Variants in SKAP1 observed in about 807,000 individuals in gnomAD.
The protein encoded by SKAP1 is src kinase associated phosphoprotein 1, also known as src kinase-associated phosphoprotein 1.
A neutral mutation model predicts 58.5 loss-of-function variants in SKAP1; 44 were observed. The observed-to-expected ratio is 0.75, with a 90% CI of 0.59 to 0.97. The LOEUF is 0.97. Among genes scored for constraint, SKAP1 ranks in the 50% least tolerant of loss-of-function variants. The pLI, the probability that SKAP1 is intolerant of heterozygous loss-of-function variation, is 0.00. For synonymous variants in SKAP1, 127 were observed against 149.7 expected (o/e 0.85, Z 1.11); for missense variants, 390 against 435.2 (o/e 0.90, Z 0.92).
At chr17:48,183,314 TAGA>T (rs1338592837) in intron 7 of SKAP1, among the ~76,000 whole-genome samples, 2 of 151,812 alleles carry the variant, frequency 1.3e-5, no homozygotes, top group African/African-American at 4.8e-5. Context: ...AAGGATATTG[TAGA>T]AGAAGAATCC....
At chr17:48,186,009 C>T (rs1046172302) in intron 6 of SKAP1, 1 of 152,056 alleles carries the variant, frequency 6.6e-6, no homozygotes, top group African/African-American at 2.4e-5. Context: ...CTCCCTGCTC[C>T]TCTCTCACCG....
chr17:48,337,365 T>A (rs912989229), intron 4 of SKAP1, among the ~76,000 whole-genome samples: 4 of 152,204 alleles, frequency 2.6e-5, no homozygotes, highest in Non-Finnish European at 4.4e-5. Context: ...CAGACTTCTA[T>A]GTTAGGCCAA....
At chr17:48,259,173 T>C (rs2065458123) in intron 4 of SKAP1, among the ~76,000 whole-genome samples, 1 of 152,030 alleles carries the variant, frequency 6.6e-6, no homozygotes, top group South Asian at 2.1e-4. Context: ...ATAACCTATA[T>C]TTTAAAAGTG....
intron 4 of SKAP1, among the ~76,000 whole-genome samples, chr17:48,281,974 GA>G (rs2065771490): frequency 6.6e-6 from 1 of 152,118 alleles, no homozygotes; most frequent in Admixed American, 6.5e-5. Flanking sequence ...GTGTAACTAA[GA>G]GTACATATTC....
At chr17:48,177,829 T>C (rs1445271555) in intron 9 of SKAP1, among the ~76,000 whole-genome samples, 1 of 152,174 alleles carries the variant, frequency 6.6e-6, no homozygotes, top group Non-Finnish European at 1.5e-5. Context: ...TAGAGGCTTA[T>C]GGGAAAGAAC....
chr17:48,368,293 T>C (rs1567886185), intron 2 of SKAP1, among the ~76,000 whole-genome samples: 1 of 152,178 alleles, frequency 6.6e-6, no homozygotes, highest in African/African-American at 2.4e-5. Context: ...AATTCCACAA[T>C]AGAGAATTCT....
chr17:48,257,884 A>G (rs567561193), intron 4 of SKAP1, among the ~76,000 whole-genome samples: 2 of 152,048 alleles, frequency 1.3e-5, no homozygotes, highest in Admixed American at 6.6e-5. Context: ...AGCTGTTCAT[A>G]TATCTCCTGA....
chr17:48,240,796 T>C (rs1047494478), intron 4 of SKAP1, among the ~76,000 whole-genome samples: 1 of 152,180 alleles, frequency 6.6e-6, no homozygotes, highest in Middle Eastern at 3.2e-3. Context: ...TGCTGCCTGT[T>C]CCCACTCGTT....
chr17:48,350,680 G>C (rs1254635915), intron 3 of SKAP1, among the ~76,000 whole-genome samples: 1 of 152,146 alleles, frequency 6.6e-6, no homozygotes, highest in Admixed American at 6.5e-5. Context: ...TGGGCAACAA[G>C]AGTGAAACTC....
chr17:48,267,064 T>C lies in SKAP1; in HGVS notation c.281-77564A>G, dbSNP rs374862638. Reference sequence around the variant, plus strand: ...TCATTTTATCATGAAAAAAATGTGATGCCAAGCCAATAATTATTTTCCTCA... The same window carrying C: ...TCATTTTATCATGAAAAAAATGTGACGCCAAGCCAATAATTATTTTCCTCA... On this transcript the variant is annotated intron_variant, in intron 4 of 12. Transcript: ENST00000336915. Among the ~76,000 whole-genome samples, 7 of 152,292 alleles carry C rather than the reference T, an allele frequency of 4.6e-5. No homozygotes were observed. In the East Asian group the frequency reaches 9.6e-4, roughly 21 times the overall value.
At chr17:48,211,194 C>T (rs1176643720) in intron 4 of SKAP1, among the ~76,000 whole-genome samples, 2 of 152,130 alleles carry the variant, frequency 1.3e-5, no homozygotes, top group Non-Finnish European at 2.9e-5. Flanking sequence ...GTAATCCCAG[C>T]ACTTTGGAGG....
chr17:48,355,781 G>A (rs1382729456), intron 3 of SKAP1, among the ~76,000 whole-genome samples: 6 of 151,288 alleles, frequency 4.0e-5, no homozygotes, highest in African/African-American at 9.7e-5. Context: ...AACTGAGATC[G>A]TGCCACTGCA....
chr17:48,415,928 G>A (rs181744224), intron 1 of SKAP1, among the ~76,000 whole-genome samples: 2 of 152,298 alleles, frequency 1.3e-5, no homozygotes, highest in East Asian at 3.9e-4. Flanking sequence ...ATATTCAGCA[G>A]AGAAGGAGTT....
chr17:48,358,952 T>C (rs539122357), intron 3 of SKAP1, among the ~76,000 whole-genome samples: 9 of 152,292 alleles, frequency 5.9e-5, no homozygotes, highest in Admixed American at 5.9e-4. Context: ...ATTTCAAAGC[T>C]TAGGCTCTTT....
chr17:48,366,484 GA>G (rs1370262671), intron 2 of SKAP1, among the ~76,000 whole-genome samples: 1 of 151,382 alleles, frequency 6.6e-6, no homozygotes, highest in East Asian at 1.9e-4. Context: ...AGGGGCAGAG[GA>G]CGGGGTGGGA....
chr17:48,360,138 T>C (rs1368583510), intron 3 of SKAP1, among the ~76,000 whole-genome samples: 2 of 152,118 alleles, frequency 1.3e-5, no homozygotes, highest in Non-Finnish European at 2.9e-5. Flanking sequence ...GAGTGACCAC[T>C]GGATAAAAAA....
At chr17:48,200,523 G>A (rs1402551193) in intron 4 of SKAP1, among the ~76,000 whole-genome samples, 1 of 151,830 alleles carries the variant, frequency 6.6e-6, no homozygotes, top group Non-Finnish European at 1.5e-5. Context: ...GATTACAAGT[G>A]CCCACCACCA....
At chr17:48,139,272 C>G (rs1292248967) in intron 11 of SKAP1, among the ~76,000 whole-genome samples, 1 of 151,186 alleles carries the variant, frequency 6.6e-6, no homozygotes, top group Non-Finnish European at 1.5e-5. Flanking sequence ...ACTTCTGCCT[C>G]CTGGGTTCAA....
intron 1 of SKAP1, 41 bp downstream of exon 1, chr17:48,430,032 GCC>G: frequency 4.0e-6 from 5 of 1,258,196 alleles, no homozygotes; most frequent in Non-Finnish European, 5.0e-6. Context: ...TCCCCTTTCG[GCC>G]TTCGGCTCAG....
Sources: allele counts gnomAD v4.1 joint callset (sites outside exome capture counted in the v4.1 genomes callset), GRCh38; gene constraint gnomAD v4.1.1; transcripts MANE v1.5; gene names NCBI Gene and HGNC (gene_info 2026-07-23, HGNC 2026-07-21).